Variants in ELP4 observed in about 807,000 individuals in gnomAD.
ELP4 encodes the protein elongator complex protein 4.
In ELP4, 51 loss-of-function variants were observed where a neutral mutation model predicts 48.9. The ratio of observed to expected loss-of-function variants is 1.04; its 90% CI spans 0.83 to 1.32. ELP4 has a LOEUF of 1.32. Ranked by LOEUF, ELP4 falls within the 40% of genes most tolerant of loss-of-function variation. The probability of loss-of-function intolerance (pLI) is 0.00; values close to 1 mark genes in which losing one functional copy is unlikely to be tolerated. For missense variants in ELP4, 519 were observed against 514.6 expected, an observed-to-expected ratio of 1.01 and a Z score of -0.08; for synonymous variants, 210 against 189.2, an observed-to-expected ratio of 1.11 and a Z score of -0.90.
chr11:31,583,995 C>T (rs746582894), intron 3 of ELP4, among the ~76,000 whole-genome samples: 1 of 152,016 alleles, frequency 6.6e-6, no homozygotes, highest in South Asian at 2.1e-4. Context: ...CAGCATACTT[C>T]CAGACCAATG....
chr11:31,711,570 T>C (rs988973954), intron 9 of ELP4, among the ~76,000 whole-genome samples: 5 of 152,324 alleles, frequency 3.3e-5, no homozygotes, highest in Admixed American at 1.3e-4. Context: ...TATTCTGTTA[T>C]ATTTTTGGTA....
intron 3 of ELP4, among the ~76,000 whole-genome samples, chr11:31,555,750 G>T (rs760688169): frequency 6.6e-6 from 1 of 151,848 alleles, no homozygotes; most frequent in Non-Finnish European, 1.5e-5. Flanking sequence ...TGTAAAAAAT[G>T]ATATTGAATA....
chr11:31,731,267 C>T (rs952704523), intron 9 of ELP4, among the ~76,000 whole-genome samples: 9 of 152,032 alleles, frequency 5.9e-5, no homozygotes, highest in African/African-American at 9.7e-5. Context: ...AATTGCTTGA[C>T]AAAGAATTCA....
chr11:31,693,242 T>C (rs1440649017), intron 9 of ELP4, among the ~76,000 whole-genome samples: 2 of 152,086 alleles, frequency 1.3e-5, no homozygotes, highest in African/African-American at 4.8e-5. Context: ...ATGTGCCATG[T>C]TGGTGTGCTG....
At chr11:31,630,956 A>C (rs1592174180) in intron 6 of ELP4, among the ~76,000 whole-genome samples, 1 of 152,116 alleles carries the variant, frequency 6.6e-6, no homozygotes, top group Non-Finnish European at 1.5e-5. Flanking sequence ...AAAAAAAGAA[A>C]AAAGAAAGAA....
intron 9 of ELP4, among the ~76,000 whole-genome samples, chr11:31,747,782 C>G (rs1947629321): frequency 6.6e-6 from 1 of 152,230 alleles, no homozygotes; most frequent in Non-Finnish European, 1.5e-5. Context: ...TTGGCTGCTT[C>G]TCTTTGTAGT....
Position 31,509,979 on chromosome 11 carries a change from C to G in ELP4, c.195C>G (p.Thr65=), listed in dbSNP as rs1304579037. ...GGAATGGACAGCTGCTGGTATCAAC[C>G]GGGCTCCCAGCCCTAGACCAGCTCT... is the stretch of plus-strand genomic sequence containing the variant. The part of the protein sequence containing the change: ...SVRNGQLLVS[T]GLPALDQLLG... Residue 65 remains threonine (T), a synonymous_variant, in exon 1 of 10, where the codon ACC becomes ACG. Coordinates refer to ENST00000640961, the MANE Select transcript of ELP4 (RefSeq NM_019040.5). 6.2e-7 allele frequency: 1 copy of G among 1,612,294 alleles called. No homozygotes were observed. The highest frequency in any genetic ancestry group is 2.2e-5 in the East Asian group (1 of 44,872).
chr11:31,777,705 T>C (rs1194621271), intron 9 of ELP4, among the ~76,000 whole-genome samples: 2 of 152,210 alleles, frequency 1.3e-5, no homozygotes, highest in African/African-American at 4.8e-5. Flanking sequence ...CTGGCCTCTT[T>C]CTTCTCACAA....
intron 9 of ELP4, among the ~76,000 whole-genome samples, chr11:31,744,296 C>T (rs1442110457): frequency 2.6e-5 from 4 of 152,132 alleles, no homozygotes; most frequent in African/African-American, 9.7e-5. Context: ...GATTCACAGC[C>T]GAATTCTACC....
intron 3 of ELP4, among the ~76,000 whole-genome samples, chr11:31,563,589 G>A (rs1281647495): frequency 1.3e-5 from 2 of 152,050 alleles, no homozygotes; most frequent in Non-Finnish European, 2.9e-5. Flanking sequence ...ATTTCAGATA[G>A]GATCTTTAAA....
chr11:31,766,360 G>T (rs1948040860), intron 9 of ELP4, among the ~76,000 whole-genome samples: 1 of 152,062 alleles, frequency 6.6e-6, no homozygotes, highest in Non-Finnish European at 1.5e-5. Context: ...TGTTTGCCAT[G>T]TAGTACCTTT....
intron 9 of ELP4, among the ~76,000 whole-genome samples, chr11:31,671,115 T>A (rs1051099311): frequency 2.6e-5 from 4 of 152,196 alleles, no homozygotes; most frequent in African/African-American, 9.6e-5. Context: ...AGATTTCCGA[T>A]AGAAACTAAA....
chr11:31,582,355 C>A (rs1453058472), intron 3 of ELP4, among the ~76,000 whole-genome samples: 2 of 152,118 alleles, frequency 1.3e-5, no homozygotes, highest in Admixed American at 1.3e-4. Context: ...TATTATTGAT[C>A]TTTTATTCTG....
At chr11:31,733,947 G>A (rs1013249968) in intron 9 of ELP4, among the ~76,000 whole-genome samples, 2 of 152,154 alleles carry the variant, frequency 1.3e-5, no homozygotes, top group Non-Finnish European at 2.9e-5. Flanking sequence ...CTGTGATGAA[G>A]ATAGATGCAA....
chr11:31,721,366 T>G (rs1343352051), intron 9 of ELP4, among the ~76,000 whole-genome samples: 1 of 152,206 alleles, frequency 6.6e-6, no homozygotes, highest in African/African-American at 2.4e-5. Context: ...CCTGTTGCCA[T>G]TAAAAGAAAC....
rs1007242966 is a variant in ELP4, at chr11:31,790,239, C to T, written c.*6715C>T. ...ATACCTATTGGATCCCAAGTACCCC[C>T]CACCCCAATCCAAAGGAAAAGAAAA... is the stretch of plus-strand genomic sequence containing the variant. On this transcript the variant is annotated 3_prime_UTR_variant, in exon 10 of 10. Transcript: ENST00000640961. 20 of 531,436 alleles carry T rather than the reference C, an allele frequency of 3.8e-5. No individual in the cohort carries two copies. The highest frequency in any genetic ancestry group is 7.6e-5 in the Admixed American group (2 of 26,206). 32.9% of individuals were successfully genotyped at this position (531,436 alleles called of 1,614,324 possible). A position where few individuals can be genotyped will look rare whatever the true frequency, so the allele number is the denominator to read the frequency against.
intron 3 of ELP4, among the ~76,000 whole-genome samples, chr11:31,556,776 C>T (rs1270216081): frequency 6.6e-6 from 1 of 151,636 alleles, no homozygotes; most frequent in East Asian, 1.9e-4. Context: ...GCATCAGCTA[C>T]AATAAAAAGA....
Position 31,510,019 on chromosome 11 carries a change from G to A in ELP4, c.223+12G>A, listed in dbSNP as rs141002472. The A allele has an allele frequency of 2.7e-4, 437 of 1,605,142 alleles. 1 individual carries two copies. In the East Asian group the frequency reaches 9.4e-3, roughly 35 times the overall value. On this transcript the variant is annotated intron_variant, in intron 1 of 9. Transcript: ENST00000640961. Reference sequence around the variant, plus strand: ...AGACCAGCTCTTAGGTCGGTTCAGAGCGGAGATCTGGGCTCAGCCGAGGGG... The same window carrying A: ...AGACCAGCTCTTAGGTCGGTTCAGAACGGAGATCTGGGCTCAGCCGAGGGG...
chr11:31,560,273 C>T (rs974694226), intron 3 of ELP4, among the ~76,000 whole-genome samples: 1 of 152,018 alleles, frequency 6.6e-6, no homozygotes, highest in Non-Finnish European at 1.5e-5. Context: ...ATTCTATGAT[C>T]TCTGTTTAAG....
Sources: gnomAD v4.1 joint callset for allele counts (sites outside exome capture counted in the v4.1 genomes callset) on GRCh38, gnomAD v4.1.1 for gene constraint, MANE v1.5 for transcripts, NCBI Gene and HGNC (gene_info 2026-07-23, HGNC 2026-07-21) for gene names.